Variants in VOPP1 observed in about 807,000 individuals in gnomAD.
VOPP1 encodes the protein VOPP1 WW domain binding protein, also known as WW domain binding protein VOPP1.
Under a neutral mutation model 23.5 loss-of-function variants are expected in VOPP1, and 8 were observed. The ratio of observed to expected loss-of-function variants is 0.34; its 90% CI spans 0.20 to 0.61. The LOEUF (loss-of-function observed/expected upper bound fraction) is 0.61, where lower values mean the gene tolerates loss of function less well. VOPP1 is among the 20% of genes least tolerant of loss of function. The pLI is 0.78. For missense variants in VOPP1, 174 were observed against 238.1 expected, an observed-to-expected ratio of 0.73 and a Z score of 1.77; for synonymous variants, 83 against 97.3, an observed-to-expected ratio of 0.85 and a Z score of 0.86.
intron 1 of VOPP1, chr7:55,538,490 A>C: frequency 1.2e-6 from 1 of 840,208 alleles, no homozygotes; most frequent in Non-Finnish European, 1.8e-6. Flanking sequence ...GCCAGGCTAC[A>C]CAAACCACAC....
intron 4 of VOPP1, among the ~76,000 whole-genome samples, chr7:55,477,974 C>T (rs930071716): frequency 2.8e-4 from 43 of 152,224 alleles, no homozygotes; most frequent in African/African-American, 1.0e-3. Flanking sequence ...GACAGCTGCT[C>T]AGCTTCTGCT....
intron 1 of VOPP1, among the ~76,000 whole-genome samples, chr7:55,554,134 A>C (rs1797721762): frequency 1.3e-5 from 2 of 152,244 alleles, no homozygotes; most frequent in African/African-American, 4.8e-5. Flanking sequence ...TAAGAGTTTT[A>C]TCTCTTATTG....
chr7:55,557,799 GA>G (rs1797859520), intron 1 of VOPP1, among the ~76,000 whole-genome samples: 1 of 152,276 alleles, frequency 6.6e-6, no homozygotes, highest in Admixed American at 6.5e-5. Context: ...GAGAATGGCA[GA>G]ATGGAAGGTG....
At chr7:55,437,060 A>G (rs944231823) in intron 4 of VOPP1, among the ~76,000 whole-genome samples, 9 of 152,258 alleles carry the variant, frequency 5.9e-5, no homozygotes, top group African/African-American at 1.9e-4. Context: ...CTGTAAGTGT[A>G]TAAGTATTCC....
intron 4 of VOPP1, among the ~76,000 whole-genome samples, chr7:55,440,440 GC>G (rs1347927107): frequency 1.3e-5 from 2 of 152,204 alleles, no homozygotes; most frequent in Non-Finnish European, 2.9e-5. Context: ...GCATCTGGGG[GC>G]TGACTGATAT....
chr7:55,485,371 T>TA (rs1793057858), intron 4 of VOPP1, among the ~76,000 whole-genome samples: 1 of 152,146 alleles, frequency 6.6e-6, no homozygotes, highest in Non-Finnish European at 1.5e-5. Context: ...AGAAGTCTTC[T>TA]AAAAAGAAGA....
intron 2 of VOPP1, among the ~76,000 whole-genome samples, chr7:55,513,289 A>G (rs937958387): frequency 1.3e-4 from 20 of 152,196 alleles, no homozygotes; most frequent in African/African-American, 4.8e-4. Context: ...TCTGGAAATT[A>G]CAGGTACTAG....
intron 1 of VOPP1, among the ~76,000 whole-genome samples, chr7:55,565,593 T>C (rs1798138087): frequency 6.6e-6 from 1 of 152,226 alleles, no homozygotes; most frequent in Non-Finnish European, 1.5e-5. Flanking sequence ...ATGATTAATG[T>C]GAAATTGGAA....
chr7:55,530,351 CTT>C (rs1325841688), intron 1 of VOPP1, among the ~76,000 whole-genome samples: 2 of 152,140 alleles, frequency 1.3e-5, no homozygotes, highest in African/African-American at 4.8e-5. Context: ...ATGTAAGACT[CTT>C]TTCATTCCAG....
chr7:55,490,015 G>T (rs975096698), intron 4 of VOPP1, among the ~76,000 whole-genome samples: 1 of 152,124 alleles, frequency 6.6e-6, no homozygotes, highest in Admixed American at 6.5e-5. Flanking sequence ...TGCGATGCAG[G>T]ACTAGAGAGA....
intron 1 of VOPP1, among the ~76,000 whole-genome samples, chr7:55,568,614 G>A (rs1798243038): frequency 6.6e-6 from 1 of 152,138 alleles, no homozygotes; most frequent in African/African-American, 2.4e-5. Flanking sequence ...TAAGAACAGA[G>A]CCCTTCAAAC....
At chr7:55,489,625 G>A (rs1793416488) in intron 4 of VOPP1, among the ~76,000 whole-genome samples, 1 of 152,186 alleles carries the variant, frequency 6.6e-6, no homozygotes, top group African/African-American at 2.4e-5. Context: ...AGCTCCTGCA[G>A]GCGCCTCAGC....
At chr7:55,570,148 T>G (rs913416377) in intron 1 of VOPP1, among the ~76,000 whole-genome samples, 1 of 152,144 alleles carries the variant, frequency 6.6e-6, no homozygotes, top group Non-Finnish European at 1.5e-5. Context: ...ATGTATGTGA[T>G]TCAGGACTTC....
At chr7:55,489,643 C>T (rs1310680326) in intron 4 of VOPP1, among the ~76,000 whole-genome samples, 1 of 152,138 alleles carries the variant, frequency 6.6e-6, no homozygotes, top group Non-Finnish European at 1.5e-5. Flanking sequence ...AGCAGGTGTG[C>T]AGTAAATATG....
chr7:55,499,213 G>A (rs1393898660), intron 2 of VOPP1, among the ~76,000 whole-genome samples: 1 of 152,136 alleles, frequency 6.6e-6, no homozygotes, highest in Non-Finnish European at 1.5e-5. Context: ...AGCACTTTGG[G>A]AGGCCAAGGC....
chr7:55,443,205 A>G (rs1791010566), intron 4 of VOPP1, among the ~76,000 whole-genome samples: 1 of 152,206 alleles, frequency 6.6e-6, no homozygotes, highest in Non-Finnish European at 1.5e-5. Flanking sequence ...TCAAAAAGAT[A>G]TAGAAATCTC....
chr7:55,460,911 G>A (rs1381240811), intron 4 of VOPP1, among the ~76,000 whole-genome samples: 1 of 152,046 alleles, frequency 6.6e-6, no homozygotes, highest in Non-Finnish European at 1.5e-5. Flanking sequence ...ATATAGTTGG[G>A]TTATTTTTAA....
At chr7:55,464,150 G>C (rs1029883535) in intron 4 of VOPP1, among the ~76,000 whole-genome samples, 1 of 152,156 alleles carries the variant, frequency 6.6e-6, no homozygotes, top group African/African-American at 2.4e-5. Flanking sequence ...GGCAGAGTAG[G>C]GGGCAGGCCT....
intron 1 of VOPP1, among the ~76,000 whole-genome samples, chr7:55,542,626 C>A (rs1170342435): frequency 6.6e-6 from 1 of 152,086 alleles, no homozygotes; most frequent in African/African-American, 2.4e-5. Context: ...CCCGTCTCTA[C>A]TAAAAATACA....
Sources: allele counts gnomAD v4.1 joint callset (sites outside exome capture counted in the v4.1 genomes callset), GRCh38; gene constraint gnomAD v4.1.1; transcripts MANE v1.5; gene names NCBI Gene and HGNC (gene_info 2026-07-23, HGNC 2026-07-21).